The following SHANK2 variants were observed in gnomAD, a reference collection of about 807,000 sequenced individuals.
The protein encoded by SHANK2 is SH3 and multiple ankyrin repeat domains protein 2.
Under a neutral mutation model 133.7 loss-of-function variants are expected in SHANK2, and 43 were observed. That is an observed-to-expected ratio of 0.32 (90% CI 0.25 to 0.41). The LOEUF is 0.41. Ranked by LOEUF, SHANK2 falls within the 10% of genes least tolerant of loss-of-function variation. The pLI, the probability that SHANK2 is intolerant of heterozygous loss-of-function variation, is 1.00. For synonymous variants in SHANK2, 1,017 were observed against 952.8 expected (o/e 1.07, Z -1.24); for missense variants, 1,994 against 2,235.8 (o/e 0.89, Z 2.18).
At chr11:71,144,458 A>G (rs782265512) in intron 3 of SHANK2, among the ~76,000 whole-genome samples, 44 of 152,190 alleles carry the variant, frequency 2.9e-4, no homozygotes, top group African/African-American at 6.0e-4. Context: ...TGGTCCAGCT[A>G]TCTAATGGAA....
chr11:71,227,646 T>C (rs1285777070), intron 1 of SHANK2, among the ~76,000 whole-genome samples: 1 of 152,010 alleles, frequency 6.6e-6, no homozygotes, highest in Non-Finnish European at 1.5e-5. Context: ...TTCTCCACAA[T>C]TGATAGAATA....
At chr11:71,248,161 G>A (rs782334875) in intron 1 of SHANK2, among the ~76,000 whole-genome samples, 56 of 152,348 alleles carry the variant, frequency 3.7e-4, no homozygotes, top group Middle Eastern at 3.4e-3. Flanking sequence ...CTAGAATGCA[G>A]GGAAGGCTTG....
chr11:71,176,087 T>C (rs868916210), intron 2 of SHANK2, among the ~76,000 whole-genome samples: 18 of 152,192 alleles, frequency 1.2e-4, no homozygotes, highest in Admixed American at 6.5e-4. Context: ...CAGTGTCTGT[T>C]CCCATCTCAC....
chr11:70,609,693 T>G (rs4259847), intron 17 of SHANK2, among the ~76,000 whole-genome samples: 1 of 119,070 alleles, frequency 8.4e-6, no homozygotes, highest in African/African-American at 3.0e-5. Context: ...GTATATACTG[T>G]ATATTGTATA....
intron 17 of SHANK2, among the ~76,000 whole-genome samples, chr11:70,559,349 T>C (rs1032672737): frequency 6.6e-6 from 1 of 152,216 alleles, no homozygotes; most frequent in Non-Finnish European, 1.5e-5. Flanking sequence ...AGAACACTTT[T>C]AGCTTTACCA....
At chr11:70,835,625 A>G (rs903479390) in intron 11 of SHANK2, among the ~76,000 whole-genome samples, 2 of 152,178 alleles carry the variant, frequency 1.3e-5, no homozygotes, top group Admixed American at 1.3e-4. Flanking sequence ...GCTGAGCTGG[A>G]GGACCCCTCT....
intron 9 of SHANK2, among the ~76,000 whole-genome samples, chr11:71,065,148 A>T (rs1034731495): frequency 6.6e-6 from 1 of 152,158 alleles, no homozygotes. Context: ...TGAAAGTCTG[A>T]CCACACTGTG....
intron 19 of SHANK2, 120 bp downstream of exon 19, chr11:70,502,086 A>C: frequency 7.6e-7 from 1 of 1,314,104 alleles, no homozygotes; most frequent in Non-Finnish European, 1.1e-6. Context: ...ACGTCTGGGT[A>C]CAGGGGCAGG....
At chr11:70,736,550 G>A (rs1443392401) in intron 14 of SHANK2, among the ~76,000 whole-genome samples, 3 of 152,180 alleles carry the variant, frequency 2.0e-5, no homozygotes, top group African/African-American at 7.2e-5. Context: ...GGCCACAGCC[G>A]ATGAATGCCT....
chr11:70,596,202 C>T (rs1283773263), intron 17 of SHANK2, among the ~76,000 whole-genome samples: 2 of 152,230 alleles, frequency 1.3e-5, no homozygotes, highest in Non-Finnish European at 2.9e-5. Context: ...GGCGAGCCCC[C>T]TTCCCCGCCT....
chr11:70,690,969 A>G (rs1458087535), intron 15 of SHANK2, among the ~76,000 whole-genome samples: 1 of 152,196 alleles, frequency 6.6e-6, no homozygotes, highest in Admixed American at 6.5e-5. Context: ...GACATAATTT[A>G]AAAACTTTTT....
At chr11:70,507,484 C>T (rs1780744330) in intron 17 of SHANK2, among the ~76,000 whole-genome samples, 1 of 152,198 alleles carries the variant, frequency 6.6e-6, no homozygotes, top group African/African-American at 2.4e-5. Flanking sequence ...ACCTTCTGCC[C>T]AGAATCTTTC....
intron 15 of SHANK2, among the ~76,000 whole-genome samples, chr11:70,666,351 C>A (rs139776711): frequency 2.6e-5 from 4 of 152,168 alleles, no homozygotes; most frequent in African/African-American, 9.7e-5. Flanking sequence ...GTCTGAAAGG[C>A]GGAACTTGGC....
intron 14 of SHANK2, among the ~76,000 whole-genome samples, chr11:70,725,096 C>G (rs1946151689): frequency 6.6e-6 from 1 of 152,070 alleles, no homozygotes; most frequent in African/African-American, 2.4e-5. Context: ...AAGCTTGATT[C>G]TTTGGGGGGG....
intron 2 of SHANK2, among the ~76,000 whole-genome samples, chr11:71,199,717 G>C (rs1283541719): frequency 1.3e-5 from 2 of 152,190 alleles, no homozygotes; most frequent in Admixed American, 6.5e-5. Context: ...TGGAAGGAAA[G>C]CTGGCCGCAC....
intron 1 of SHANK2, among the ~76,000 whole-genome samples, chr11:71,230,568 CA>C (rs58588362): frequency 2.4e-3 from 212 of 89,764 alleles, no homozygotes; most frequent in Middle Eastern, 0.013. Context: ...GACTCTGTCT[CA>C]AAAAAAAAAA....
rs570248432 is a variant in SHANK2, at chr11:70,536,189, C to G, written c.2062-33258G>C. Among the ~76,000 whole-genome samples the G allele has an allele frequency of 2.0e-5, 3 of 152,218 alleles. No homozygotes were observed. In the South Asian group the frequency reaches 6.2e-4, roughly 32 times the overall value. On this transcript the variant is annotated intron_variant, in intron 17 of 25. Transcript: ENST00000601538. ...GACCTCCTTACCCTGGCCTCACTGCCCGGCTCTGTGCTGAGCCTGCCCTGT... is the reference window on the plus strand; with the variant it reads ...GACCTCCTTACCCTGGCCTCACTGCGCGGCTCTGTGCTGAGCCTGCCCTGT...
intron 2 of SHANK2, among the ~76,000 whole-genome samples, chr11:71,173,376 G>C (rs782737055): frequency 1.6e-4 from 24 of 152,230 alleles, no homozygotes; most frequent in Non-Finnish European, 3.1e-4. Context: ...GGTGCCTCCA[G>C]GCAGGGTGGC....
chr11:70,714,760 C>T (rs528596976), intron 14 of SHANK2, among the ~76,000 whole-genome samples: 154 of 152,018 alleles, frequency 1.0e-3, no homozygotes, highest in African/African-American at 3.6e-3. Flanking sequence ...CGGCATTTTT[C>T]TTCCTTCCTT....
Sources: allele counts gnomAD v4.1 joint callset (sites outside exome capture counted in the v4.1 genomes callset), GRCh38; gene constraint gnomAD v4.1.1; transcripts MANE v1.5; gene names NCBI Gene and HGNC (gene_info 2026-07-23, HGNC 2026-07-21).